Variants in STK33 observed in about 807,000 individuals in gnomAD.
STK33 encodes the protein serine/threonine-protein kinase 33.
A neutral mutation model predicts 58.0 loss-of-function variants in STK33; 52 were observed. The ratio of observed to expected loss-of-function variants is 0.90; its 90% CI spans 0.72 to 1.13. The LOEUF is 1.13. Among genes scored for constraint, STK33 ranks in the 50% most tolerant of loss-of-function variants. STK33 has a pLI of 0.00. For synonymous variants in STK33, 215 were observed against 200.1 expected, an observed-to-expected ratio of 1.07 and a Z score of -0.63; for missense variants, 630 against 604.2, an observed-to-expected ratio of 1.04 and a Z score of -0.45.
At chr11:8,481,314 T>C (rs114252191) in intron 1 of STK33, among the ~76,000 whole-genome samples, 2 of 152,254 alleles carry the variant, frequency 1.3e-5, no homozygotes, top group African/African-American at 4.8e-5. Context: ...TTAGCAGAAA[T>C]AATATTAATT....
chr11:8,558,248 G>A (rs1956896212), intron 1 of STK33, among the ~76,000 whole-genome samples: 1 of 152,114 alleles, frequency 6.6e-6, no homozygotes, highest in Non-Finnish European at 1.5e-5. Context: ...AAAAAGACCA[G>A]CATAAATTTG....
intron 1 of STK33, among the ~76,000 whole-genome samples, chr11:8,574,676 A>C (rs1341361786): frequency 6.6e-6 from 1 of 152,166 alleles, no homozygotes; most frequent in Non-Finnish European, 1.5e-5. Flanking sequence ...CTACAGACCA[A>C]TATCCTTCAT....
intron 1 of STK33, among the ~76,000 whole-genome samples, chr11:8,589,244 A>G (rs2032212058): frequency 6.6e-6 from 1 of 151,938 alleles, no homozygotes; most frequent in Non-Finnish European, 1.5e-5. Flanking sequence ...CAAAATACCA[A>G]AAAAAAAGAA....
intron 11 of STK33, among the ~76,000 whole-genome samples, chr11:8,449,711 A>G (rs1591162447): frequency 1.3e-5 from 2 of 152,168 alleles, no homozygotes; most frequent in East Asian, 3.9e-4. Context: ...GCACACCAAC[A>G]TGGCACATGT....
chr11:8,577,739 T>C (rs941748678), intron 1 of STK33, among the ~76,000 whole-genome samples: 7 of 152,118 alleles, frequency 4.6e-5, no homozygotes, highest in African/African-American at 1.7e-4. Context: ...ATTTATACTC[T>C]ATCCTATCTT....
chr11:8,520,963 T>C lies in STK33; in HGVS notation c.-465-40349A>G, dbSNP rs973776516. ...TAATAAATGAAATGATTTCTAATGATAATGAATGAAATTGGATCTTTATCT... is the reference window on the plus strand; with the variant it reads ...TAATAAATGAAATGATTTCTAATGACAATGAATGAAATTGGATCTTTATCT... On this transcript the variant is annotated intron_variant, in intron 1 of 15. Transcript: ENST00000687296. Among the ~76,000 whole-genome samples, 7 of 151,646 alleles carry C rather than the reference T, an allele frequency of 4.6e-5. No individual in the cohort carries two copies. In the East Asian group the frequency reaches 7.7e-4, roughly 17 times the overall value.
chr11:8,508,182 C>T (rs530735959), intron 1 of STK33, among the ~76,000 whole-genome samples: 3 of 152,008 alleles, frequency 2.0e-5, no homozygotes, highest in East Asian at 1.9e-4. Flanking sequence ...TGAACCACCA[C>T]GCCCAGCCAA....
the STK33 span, among the ~76,000 whole-genome samples, chr11:8,335,165 C>T: frequency 6.6e-6 from 1 of 152,182 alleles, no homozygotes; most frequent in Non-Finnish European, 1.5e-5. Context: ...CCAGAAGTGC[C>T]TCGGGCTGAG....
At chr11:8,404,430 T>G (rs946583461) in intron 15 of STK33, among the ~76,000 whole-genome samples, 6 of 152,152 alleles carry the variant, frequency 3.9e-5, no homozygotes, top group African/African-American at 1.4e-4. Flanking sequence ...CACAACCCAG[T>G]CAACCCTCTT....
chr11:8,464,129 G>A (rs1947887272), intron 7 of STK33, among the ~76,000 whole-genome samples: 1 of 152,164 alleles, frequency 6.6e-6, no homozygotes, highest in African/African-American at 2.4e-5. Flanking sequence ...AAATGATCAG[G>A]TGTAAAGTCT....
At chr11:8,566,717 CTTCT>C (rs1403617803) in intron 1 of STK33, among the ~76,000 whole-genome samples, 3 of 152,162 alleles carry the variant, frequency 2.0e-5, no homozygotes, top group African/African-American at 4.8e-5. Flanking sequence ...CCACAGCATA[CTTCT>C]TTAATTTAGT....
Position 8,392,449 on chromosome 11 carries a change from C to G in STK33, c.*61G>C. The G allele has an allele frequency of 6.3e-7, 1 of 1,592,406 alleles. No individual in the cohort carries two copies. The highest frequency in any genetic ancestry group is 1.1e-5 in the South Asian group (1 of 89,746). Reference sequence around the variant, plus strand: ...GGGCTGTCTTCTTCCCCTCCTACCCCCTCATCAAAGTGCTAACAAGAGCAG... The same window carrying G: ...GGGCTGTCTTCTTCCCCTCCTACCCGCTCATCAAAGTGCTAACAAGAGCAG... On this transcript the variant is annotated 3_prime_UTR_variant, in exon 16 of 16. Coordinates refer to ENST00000687296, the MANE Select transcript of STK33 (RefSeq NM_001352389.2).
chr11:8,487,817 C>CA lies in STK33; in HGVS notation c.-465-7204dup, dbSNP rs370546623. ...ATCCACAAAAGCAATGAAAAAATGG[C>CA]AAAAAAAATCAGAATAAACTTTTTC... On this transcript the variant is annotated intron_variant, in intron 1 of 15. Transcript: ENST00000687296. Among the ~76,000 whole-genome samples, 308 of 151,580 alleles carry CA rather than the reference C, an allele frequency of 2.0e-3. 2 individuals are homozygous for CA. Among genetic ancestry groups the CA allele is most frequent in the African/African-American group, 6.9e-3 (284 of 41,334 alleles).
chr11:8,462,565 G>A (rs1348408841), intron 7 of STK33, among the ~76,000 whole-genome samples: 2 of 151,834 alleles, frequency 1.3e-5, no homozygotes. Context: ...CTGGTTAACT[G>A]AGGGAGAAAC....
At chr11:8,593,899 CG>C (rs1004139411) in intron 1 of STK33, 183 bp downstream of exon 1, 1 of 152,274 alleles carries the variant, frequency 6.6e-6, no homozygotes, top group African/African-American at 2.4e-5. Flanking sequence ...AGGAGACACT[CG>C]GAGGGGTCCG....
At chr11:8,575,801 G>A in intron 1 of STK33, among the ~76,000 whole-genome samples, 1 of 152,158 alleles carries the variant, frequency 6.6e-6, no homozygotes, top group East Asian at 1.9e-4. Context: ...TCCTAAAAAT[G>A]TATGGTTGGG....
chr11:8,373,379 GC>G, the STK33 span, among the ~76,000 whole-genome samples: 1 of 152,090 alleles, frequency 6.6e-6, no homozygotes, highest in South Asian at 2.1e-4. Flanking sequence ...AGAGAACGCT[GC>G]CCAGATGATT....
chr11:8,505,997 T>C (rs1339234130), intron 1 of STK33, among the ~76,000 whole-genome samples: 1 of 152,192 alleles, frequency 6.6e-6, no homozygotes, highest in Non-Finnish European at 1.5e-5. Context: ...TTTATGAACA[T>C]AAAGCTTTTG....
chr11:8,363,213 A>C, the STK33 span, among the ~76,000 whole-genome samples: 1 of 152,212 alleles, frequency 6.6e-6, no homozygotes, highest in Non-Finnish European at 1.5e-5. Context: ...AGAGTGAAGA[A>C]GGGGAAAAAG....
Sources: allele counts gnomAD v4.1 joint callset (sites outside exome capture counted in the v4.1 genomes callset), GRCh38; gene constraint gnomAD v4.1.1; transcripts MANE v1.5; gene names NCBI Gene and HGNC (gene_info 2026-07-23, HGNC 2026-07-21).